LAMC3: variants seen among roughly 807,000 people sequenced by gnomAD.
LAMC3 encodes laminin subunit gamma-3.
A neutral mutation model predicts 173.8 loss-of-function variants in LAMC3; 128 were observed. The observed-to-expected ratio is 0.74, with a 90% CI of 0.64 to 0.85. The LOEUF (loss-of-function observed/expected upper bound fraction) is 0.85. LAMC3 is among the 40% of genes least tolerant of loss of function. The pLI is 0.00. For missense variants in LAMC3, 2,022 were observed against 2,156.0 expected, an observed-to-expected ratio of 0.94 and a Z score of 1.23; for synonymous variants, 897 against 909.1, an observed-to-expected ratio of 0.99 and a Z score of 0.24.
chr9:131,054,805 T>TGA (rs374763399), intron 11 of LAMC3, among the ~76,000 whole-genome samples: 3 of 101,836 alleles, frequency 2.9e-5, no homozygotes, highest in Admixed American at 1.1e-4. Flanking sequence ...AGAGAGAGAG[T>TGA]GAGAGAGAGA....
At chr9:131,036,399 C>T in intron 4 of LAMC3, 67 bp downstream of exon 4, 1 of 1,581,278 alleles carries the variant, frequency 6.3e-7, no homozygotes, top group Non-Finnish European at 8.6e-7. Context: ...GAAAGGAACT[C>T]CCCAAAACGT....
chr9:131,074,488 G>C (rs1004743030), intron 20 of LAMC3, among the ~76,000 whole-genome samples: 4 of 151,844 alleles, frequency 2.6e-5, no homozygotes, highest in African/African-American at 9.7e-5. Context: ...TAGAGGTCAG[G>C]AGTTCAATAC....
At chr9:131,053,601 A>G (rs1262242510) in intron 11 of LAMC3, among the ~76,000 whole-genome samples, 1 of 152,138 alleles carries the variant, frequency 6.6e-6, no homozygotes, top group African/African-American at 2.4e-5. Context: ...TTGGGAGGCC[A>G]AGGCGAGTGG....
rs576287524 is a variant in LAMC3, at chr9:131,027,079, C to G, written c.678+490C>G. On this transcript the variant is annotated intron_variant, in intron 2 of 27. Transcript: ENST00000361069. ...TTGCACCCAAGTCTTCTGTGGATGC[C>G]GCTAATGAACCAGAAGGAAGACGGG... is the stretch of plus-strand genomic sequence containing the variant. Among the ~76,000 whole-genome samples, 8 of 152,314 alleles carry G rather than the reference C, an allele frequency of 5.3e-5. No homozygotes were observed. The South Asian group carries it at 1.4e-3, about 28-fold the overall frequency.
At chr9:131,075,712 C>A in intron 20 of LAMC3, 119 bp from the exon 21 acceptor site, 1 of 1,154,252 alleles carries the variant, frequency 8.7e-7, no homozygotes, top group East Asian at 2.6e-5. Flanking sequence ...GCGTACCTGT[C>A]TTTGTGGCTG....
At chr9:131,039,640 G>T (rs906351919) in intron 6 of LAMC3, among the ~76,000 whole-genome samples, 1 of 151,956 alleles carries the variant, frequency 6.6e-6, no homozygotes, top group Non-Finnish European at 1.5e-5. Context: ...CAGCAGGAAC[G>T]CCTGGGCAGC....
At chr9:131,024,380 A>G (rs900566647) in intron 1 of LAMC3, among the ~76,000 whole-genome samples, 4 of 152,250 alleles carry the variant, frequency 2.6e-5, no homozygotes, top group African/African-American at 9.6e-5. Context: ...TCCTGACCTC[A>G]GGTGATCCAC....
chr9:131,050,994 C>A (rs1405743497), intron 9 of LAMC3, among the ~76,000 whole-genome samples: 1 of 152,084 alleles, frequency 6.6e-6, no homozygotes, highest in African/African-American at 2.4e-5. Flanking sequence ...GGCATGTGGC[C>A]ACCAGCTCCC....
At chr9:131,033,265 G>C (rs891401726) in intron 3 of LAMC3, among the ~76,000 whole-genome samples, 2 of 152,222 alleles carry the variant, frequency 1.3e-5, no homozygotes, top group African/African-American at 4.8e-5. Flanking sequence ...GTGTTTCTCA[G>C]GTTTCTTTGA....
chr9:131,060,373 G>A (rs1829782946), intron 12 of LAMC3, among the ~76,000 whole-genome samples: 2 of 152,204 alleles, frequency 1.3e-5, no homozygotes, highest in Non-Finnish European at 2.9e-5. Context: ...GCCGGGCACG[G>A]TGGCTCACAC....
At chr9:131,027,958 C>A (rs79742855) in intron 2 of LAMC3, among the ~76,000 whole-genome samples, 1 of 152,252 alleles carries the variant, frequency 6.6e-6, no homozygotes, top group Non-Finnish European at 1.5e-5. Flanking sequence ...AGCTGTTCAT[C>A]TCCACACAAG....
chr9:131,065,039 TAAAAAAAAA>T (rs754104539), intron 13 of LAMC3, among the ~76,000 whole-genome samples: 2 of 27,422 alleles, frequency 7.3e-5, no homozygotes, highest in African/African-American at 1.4e-4. Flanking sequence ...AGACTCCATC[TAAAAAAAAA>T]AAAAAAAAAA....
At chr9:131,028,815 A>G (rs1484528389) in intron 2 of LAMC3, among the ~76,000 whole-genome samples, 1 of 152,238 alleles carries the variant, frequency 6.6e-6, no homozygotes, top group Non-Finnish European at 1.5e-5. Flanking sequence ...TTTGAAGGCC[A>G]GAGTTTTTTA....
chr9:131,013,158 C>T (rs901181517), intron 1 of LAMC3, among the ~76,000 whole-genome samples: 2 of 152,232 alleles, frequency 1.3e-5, no homozygotes, highest in African/African-American at 2.4e-5. Flanking sequence ...AACTGAGGCA[C>T]TGAGGGTGAG....
chr9:131,091,908 C>A lies in LAMC3; in HGVS notation c.*121C>A, dbSNP rs710074. ...CCCGGAGCCGGCTGCTGTGAACTCG[C>A]CCCCGTGTGGATAGTCACTCCCTGC... On this transcript the variant is annotated 3_prime_UTR_variant, in exon 28 of 28. Coordinates refer to ENST00000361069, the MANE Select transcript of LAMC3 (RefSeq NM_006059.4). 0.76 allele frequency: 938,127 copies of A among 1,233,770 alleles called. 363,875 individuals carry two copies. Among genetic ancestry groups the A allele is most frequent in the Non-Finnish European group, 0.8 (712,977 of 886,398 alleles). 76.4% of individuals were successfully genotyped at this position (1,233,770 alleles called of 1,614,324 possible).
chr9:131,036,388 G>A (rs1833946050), intron 4 of LAMC3, 56 bp downstream of exon 4: 2 of 1,601,256 alleles, frequency 1.2e-6, no homozygotes, highest in Non-Finnish European at 1.7e-6. Flanking sequence ...TTGCAGGCGG[G>A]GAAAGGAACT....
rs1270208391 is a variant in LAMC3 at position 131,009,195 on chromosome 9, C to T, written c.-20C>T. The T allele has an allele frequency of 2.5e-6, 3 of 1,189,988 alleles. No homozygotes were observed. The highest frequency in any genetic ancestry group is 2.1e-6 in the Non-Finnish European group (2 of 963,408). 73.7% of individuals were successfully genotyped at this position (1,189,988 alleles called of 1,614,324 possible). A position where few individuals can be genotyped will look rare whatever the true frequency, so the allele number is the denominator to read the frequency against. On this transcript the variant is annotated 5_prime_UTR_variant, in exon 1 of 28. Coordinates refer to ENST00000361069, the MANE Select transcript of LAMC3 (RefSeq NM_006059.4). This position sits in a 1 kb window ranked among gnomAD's most constrained non-coding sequence, Gnocchi z 4.3. The stretch of plus-strand genomic sequence containing the variant: ...AGCCGAGCGGGGCCGGCAGAGCGCG[C>T]GGCGTCGGTGCCCTTGACCATGGCG...
At position 131,082,043 on chromosome 9, in the gene LAMC3, C is replaced by T; in HGVS notation, c.3928-16C>T. On this transcript the variant is annotated splice_polypyrimidine_tract_variant and intron_variant, in intron 23 of 27. Transcript: ENST00000361069. ...CTGTGGAGCCAGCTGCCCAGCCTCT[C>T]CTCATCTCTCTCCAGCTGCACCAGG... 1 of 1,607,570 alleles carries T rather than the reference C, an allele frequency of 6.2e-7. No individual in the cohort carries two copies.
At chr9:131,054,237 T>A (rs1465013083) in intron 11 of LAMC3, among the ~76,000 whole-genome samples, 2 of 152,072 alleles carry the variant, frequency 1.3e-5, no homozygotes, top group Non-Finnish European at 2.9e-5. Flanking sequence ...AGGGAGATTT[T>A]GCTCTTTTTG....
Sources: gnomAD v4.1 joint callset for allele counts (sites outside exome capture counted in the v4.1 genomes callset) on GRCh38, gnomAD v4.1.1 for gene constraint, Gnocchi (gnomAD v3.1) non-coding constraint, MANE v1.5 for transcripts, NCBI Gene and HGNC (gene_info 2026-07-23, HGNC 2026-07-21) for gene names.